The following PLAGL1 variants were observed in gnomAD, a reference collection of about 807,000 sequenced individuals.
PLAGL1 encodes PLAG1 like zinc finger 1.
A neutral mutation model predicts 4.6 loss-of-function variants in PLAGL1; 1 was observed. The ratio of observed to expected loss-of-function variants is 0.22; its 90% CI spans 0.08 to 1.03. The LOEUF (loss-of-function observed/expected upper bound fraction) is 1.03. PLAGL1 is among the 50% of genes least tolerant of loss of function. The probability of loss-of-function intolerance (pLI) is 0.58; values close to 1 mark genes in which losing one functional copy is unlikely to be tolerated. For missense variants in PLAGL1, 464 were observed against 570.4 expected, an observed-to-expected ratio of 0.81 and a Z score of 1.90; for synonymous variants, 240 against 237.8, an observed-to-expected ratio of 1.01 and a Z score of -0.08.
rs139740566 is a variant in PLAGL1, at chr6:144,032,671, C to T, written c.-151+31797G>A. On this transcript the variant is annotated intron_variant, in intron 1 of 3. Transcript: ENST00000437412. ...CCGCCTCCTGGGCTCTAGCAATTCT[C>T]CTGCTTCAGCCTTCCAAGTAGCTGG... Among the ~76,000 whole-genome samples, 263 of 152,250 alleles carry T rather than the reference C, an allele frequency of 1.7e-3. 1 individual carries two copies. The highest frequency in any genetic ancestry group is 2.1e-3 in the Non-Finnish European group (145 of 68,014).
intron 1 of PLAGL1, among the ~76,000 whole-genome samples, chr6:144,001,162 G>A (rs1289421244): frequency 6.7e-6 from 1 of 149,704 alleles, no homozygotes; most frequent in Non-Finnish European, 1.5e-5. Flanking sequence ...GTGCCAGACA[G>A]TAAGGAAATG....
At chr6:144,026,587 A>C (rs1796357570) in intron 1 of PLAGL1, among the ~76,000 whole-genome samples, 1 of 152,196 alleles carries the variant, frequency 6.6e-6, no homozygotes, top group African/African-American at 2.4e-5. Flanking sequence ...ATAGCCTAAA[A>C]AATTTCTGAT....
chr6:144,011,060 C>T (rs1459434361), upstream of PLAGL1, among the ~76,000 whole-genome samples: 3 of 152,154 alleles, frequency 2.0e-5, no homozygotes, highest in African/African-American at 7.2e-5. The surrounding 1 kb of genome is among the most constrained non-coding windows in gnomAD (Gnocchi z 4.3). Flanking sequence ...GAGTTCATAA[C>T]TAAAACACCA....
At chr6:144,062,232 C>T (rs774359808) in intron 1 of PLAGL1, among the ~76,000 whole-genome samples, 1 of 151,854 alleles carries the variant, frequency 6.6e-6, no homozygotes, top group Non-Finnish European at 1.5e-5. Flanking sequence ...AAAAACTTAG[C>T]CAGGTGAGGA....
In PLAGL1 at chr6:143,950,493, C is replaced by T. The variant is rs1466284608; in HGVS notation, c.-324-2033G>A. 6.6e-6 allele frequency among the ~76,000 whole-genome samples: 1 copy of T among 152,118 alleles called. No homozygotes were observed. The highest frequency in any genetic ancestry group is 2.4e-5 in the African/African-American group (1 of 41,410). On this transcript the variant is annotated intron_variant, in intron 6 of 7. Coordinates refer to ENST00000674357, the MANE Select transcript of PLAGL1 (RefSeq NM_001317162.2). The surrounding 1 kb of genome is among the most constrained non-coding windows in gnomAD (Gnocchi z 6.3). ...CCCAGCCTAAGTTTGGCCATAATAC[C>T]GGCCCAGCTATAAAACACACTCATT...
chr6:144,038,723 A>G (rs1309720562), intron 1 of PLAGL1, among the ~76,000 whole-genome samples: 1 of 152,238 alleles, frequency 6.6e-6, no homozygotes, highest in Admixed American at 6.5e-5. Flanking sequence ...GAAGAAATCA[A>G]TCACAAAGAA....
Position 144,036,292 on chromosome 6 carries a change from T to C in PLAGL1, c.-151+28176A>G, listed in dbSNP as rs1797234740. Among the ~76,000 whole-genome samples, 1 of 152,220 alleles carries C rather than the reference T, an allele frequency of 6.6e-6. No individual in the cohort carries two copies. Among genetic ancestry groups the C allele is most frequent in the African/African-American group, 2.4e-5 (1 of 41,456 alleles). Reference sequence around the variant, plus strand: ...TTCATTTTAGGAAACACAAGCCTTATAACACAATCCTGAGGAAATCAGCTG... The same window carrying C: ...TTCATTTTAGGAAACACAAGCCTTACAACACAATCCTGAGGAAATCAGCTG... On this transcript the variant is annotated intron_variant, in intron 1 of 3. Coordinates refer to the PLAGL1 transcript ENST00000437412. The surrounding 1 kb of genome is among the most constrained non-coding windows in gnomAD (Gnocchi z 5.1).
In PLAGL1 at chr6:143,954,814, A is replaced by C. The variant is rs1781786551; in HGVS notation, c.-325+5655T>G. Among the ~76,000 whole-genome samples the C allele has an allele frequency of 6.6e-6, 1 of 152,248 alleles. No homozygotes were observed. Among genetic ancestry groups the C allele is most frequent in the Non-Finnish European group, 1.5e-5 (1 of 68,046 alleles). Reference sequence around the variant, plus strand: ...ATTTGCAGAGGAATGTCGATATAGAAAATCCCAAAGAATCCACACACAAGA... The same window carrying C: ...ATTTGCAGAGGAATGTCGATATAGACAATCCCAAAGAATCCACACACAAGA... On this transcript the variant is annotated intron_variant, in intron 6 of 7. Coordinates refer to ENST00000674357, the MANE Select transcript of PLAGL1 (RefSeq NM_001317162.2). The surrounding 1 kb of genome is among the most constrained non-coding windows in gnomAD (Gnocchi z 5.1).
rs529760810 is a variant in PLAGL1, at chr6:143,964,981, C to T, written c.-430-163G>A. The T allele has an allele frequency of 2.0e-5, 3 of 152,174 alleles. No individual in the cohort carries two copies. Among genetic ancestry groups the T allele is most frequent in the Admixed American group, 6.5e-5 (1 of 15,280 alleles). The allele number at this position is 152,174 out of a possible 1,614,324, so 9.4% of individuals were successfully genotyped here. On this transcript the variant is annotated intron_variant, in intron 4 of 7. Transcript: ENST00000674357. The surrounding 1 kb of genome is among the most constrained non-coding windows in gnomAD (Gnocchi z 4.3). The stretch of plus-strand genomic sequence containing the variant: ...GGAGTCATGAGATCCAGGACACCCC[C>T]GTTTCCCAAGCCTGGATGTGCCTCC...
Position 143,941,487 on chromosome 6 carries a change from A to G in PLAGL1, c.1329T>C (p.Pro443=). 6.6e-7 allele frequency: 1 copy of G among 1,521,970 alleles called. No individual in the cohort carries two copies. Among genetic ancestry groups the G allele is most frequent in the East Asian group, 2.3e-5 (1 of 44,118 alleles). The allele number at this position is 1,521,970 out of a possible 1,614,324, so 94.3% of individuals were successfully genotyped here. A position where few individuals can be genotyped will look rare whatever the true frequency, so the allele number is the denominator to read the frequency against. The change falls in exon 8 of 8, where the codon CCT becomes CCC. Residue 443 remains proline, a synonymous_variant. Coordinates refer to ENST00000674357, the MANE Select transcript of PLAGL1 (RefSeq NM_001317162.2). This position sits in a 1 kb window ranked among gnomAD's most constrained non-coding sequence, Gnocchi z 6.0. ...AGCCAGTGCCAGCTGAGAACACATG[A>G]GGGATGGGGGGCAGGGGGAGCTGGC... ...SLGQLPLPPI[P]HVFSAGTGSA... is the part of the protein sequence containing the mutation.
chr6:144,048,672 G>C lies in PLAGL1; in HGVS notation c.-151+15796C>G, dbSNP rs1798354956. Among the ~76,000 whole-genome samples, 1 of 152,206 alleles carries C rather than the reference G, an allele frequency of 6.6e-6. No homozygotes were observed. Among genetic ancestry groups the C allele is most frequent in the South Asian group, 2.1e-4 (1 of 4,828 alleles). ...ACACAGAGCAGCATCAGGGCTGTAA[G>C]CCAGGCCCATGAAACCATTTCTTCC... On this transcript the variant is annotated intron_variant, in intron 1 of 3. Coordinates refer to the PLAGL1 transcript ENST00000437412. This position sits in a 1 kb window ranked among gnomAD's most constrained non-coding sequence, Gnocchi z 4.8.
intron 2 of PLAGL1, among the ~76,000 whole-genome samples, chr6:143,976,423 A>G (rs1786569997): frequency 1.3e-5 from 2 of 151,052 alleles, no homozygotes; most frequent in Admixed American, 1.3e-4. Flanking sequence ...CCTTGATATT[A>G]AAGAGGCAGG....
intron 1 of PLAGL1, among the ~76,000 whole-genome samples, chr6:144,058,814 C>T (rs920945473): frequency 1.3e-5 from 2 of 152,214 alleles, no homozygotes; most frequent in African/African-American, 2.4e-5. Context: ...ACCCCCAAGA[C>T]CTTAGGAAGC....
chr6:144,062,742 A>AG (rs1799526755), intron 1 of PLAGL1, among the ~76,000 whole-genome samples: 1 of 152,192 alleles, frequency 6.6e-6, no homozygotes, highest in African/African-American at 2.4e-5. Context: ...GGGCAAAAAA[A>AG]CAGCATTTAT....
intron 1 of PLAGL1, among the ~76,000 whole-genome samples, chr6:144,033,770 A>T (rs2128710219): frequency 6.6e-6 from 1 of 152,384 alleles, no homozygotes; most frequent in South Asian, 2.1e-4. Flanking sequence ...AAAATCCAGC[A>T]TAAAACAATG....
Position 144,053,139 on chromosome 6 carries a change from A to G in PLAGL1, c.-151+11329T>C, listed in dbSNP as rs1798701061. Among the ~76,000 whole-genome samples, 1 of 152,124 alleles carries G rather than the reference A, an allele frequency of 6.6e-6. No individual in the cohort carries two copies. Among genetic ancestry groups the G allele is most frequent in the Non-Finnish European group, 1.5e-5 (1 of 68,022 alleles). On this transcript the variant is annotated intron_variant, in intron 1 of 3. Coordinates refer to the PLAGL1 transcript ENST00000437412. The surrounding 1 kb of genome is among the most constrained non-coding windows in gnomAD (Gnocchi z 4.0). ...AACCACACATTGCCAAAATCAATCA[A>G]TCAATCATTTTTTTTGAAATGGTCT...
chr6:143,947,950 T>C lies in PLAGL1; in HGVS notation c.152+35A>G. 1 of 1,592,616 alleles carries C rather than the reference T, an allele frequency of 6.3e-7. No homozygotes were observed. The highest frequency in any genetic ancestry group is 8.6e-7 in the Non-Finnish European group (1 of 1,161,576). ...GGCTAGAAAAGCCATTTAAACGTAC[T>C]TCTAAAAGTGCATACCTTTGCCAAA... On this transcript the variant is annotated intron_variant, in intron 7 of 7. Coordinates refer to ENST00000674357, the MANE Select transcript of PLAGL1 (RefSeq NM_001317162.2). The surrounding 1 kb of genome is among the most constrained non-coding windows in gnomAD (Gnocchi z 4.3).
chr6:143,946,460 A>G (rs1454183725), intron 7 of PLAGL1, among the ~76,000 whole-genome samples: 1 of 152,230 alleles, frequency 6.6e-6, no homozygotes, highest in African/African-American at 2.4e-5. Flanking sequence ...CAACAAACTC[A>G]TGCACGTGAT....
At chr6:144,029,431 G>A (rs1174420472) in intron 1 of PLAGL1, among the ~76,000 whole-genome samples, 1 of 152,200 alleles carries the variant, frequency 6.6e-6, no homozygotes, top group Non-Finnish European at 1.5e-5. Context: ...TTAATATAGA[G>A]AAAGCTTCTA....
Sources: allele counts gnomAD v4.1 joint callset (sites outside exome capture counted in the v4.1 genomes callset), GRCh38; gene constraint gnomAD v4.1.1; non-coding constraint Gnocchi (gnomAD v3.1); transcripts MANE v1.5; gene names NCBI Gene and HGNC (gene_info 2026-07-23, HGNC 2026-07-21).